Variants in ANAPC4 observed in about 807,000 individuals in gnomAD.
ANAPC4 encodes anaphase-promoting complex subunit 4.
A neutral mutation model predicts 119.8 loss-of-function variants in ANAPC4; 63 were observed. The observed-to-expected ratio is 0.53, with a 90% CI of 0.43 to 0.65. ANAPC4 has a LOEUF of 0.65. ANAPC4 is among the 30% of genes least tolerant of loss of function. The pLI, the probability that ANAPC4 is intolerant of heterozygous loss-of-function variation, is 0.00. For synonymous variants in ANAPC4, 283 were observed against 318.6 expected (o/e 0.89, Z 1.19); for missense variants, 716 against 945.1 (o/e 0.76, Z 3.18).
chr4:25,414,722 G>T, intron 25 of ANAPC4, 22 bp downstream of exon 25: 1 of 1,462,800 alleles, frequency 6.8e-7, no homozygotes, highest in South Asian at 1.4e-5. Flanking sequence ...TCTGAAGTTT[G>T]AATCAAAGAG....
intron 4 of ANAPC4, among the ~76,000 whole-genome samples, chr4:25,384,872 C>T (rs1413006181): frequency 1.3e-5 from 2 of 151,712 alleles, no homozygotes; most frequent in Admixed American, 6.6e-5. Context: ...TGTGTGTTAA[C>T]AGGCATGAAA....
In ANAPC4 at chr4:25,409,747, G is replaced by T. The variant is rs945614092; in HGVS notation, c.1481G>T (p.Gly494Val). 2.5e-6 allele frequency: 4 copies of T among 1,613,258 alleles called. No homozygotes were observed. Among genetic ancestry groups the T allele is most frequent in the Non-Finnish European group, 3.4e-6 (4 of 1,179,632 alleles). ...DDLVSPPNTE[G>V]NQWYDFLQNS... ...CTTGTGTCACCCCCTAACACAGAAG[G>T]AAACCAGTGGTATGACTTTCTTCAA... The change falls in exon 21 of 29, where the codon GGA (glycine) becomes GTA (valine). Residue 494 changes from glycine (G) to valine (V), a missense_variant. This residue lies in a region of ANAPC4 where 504 missense variants were observed against 615.8 expected (regional missense o/e 0.82). Coordinates refer to ENST00000315368, the MANE Select transcript of ANAPC4 (RefSeq NM_013367.3).
At chr4:25,390,852 TA>T in intron 8 of ANAPC4, 58 bp from the exon 9 acceptor site, 1 of 1,317,030 alleles carries the variant, frequency 7.6e-7, no homozygotes, top group Non-Finnish European at 1.1e-6. Flanking sequence ...TTCTGCATGA[TA>T]ATCAGCTTCA....
At chr4:25,413,873 C>A in intron 22 of ANAPC4, 131 bp downstream of exon 22, 1 of 706,514 alleles carries the variant, frequency 1.4e-6, no homozygotes, top group Non-Finnish European at 2.3e-6. Flanking sequence ...TTTTGATTAA[C>A]AAAAGTAACA....
intron 18 of ANAPC4, 71 bp from the exon 19 acceptor site, chr4:25,406,758 T>C (rs1723273730): frequency 8.7e-7 from 1 of 1,145,722 alleles, no homozygotes; most frequent in South Asian, 1.4e-5. Context: ...ACATTTATAA[T>C]TATGTACCAT....
At chr4:25,390,759 G>T in intron 8 of ANAPC4, 152 bp from the exon 9 acceptor site, 5 of 594,722 alleles carry the variant, frequency 8.4e-6, no homozygotes, top group African/African-American at 7.5e-5. Context: ...GTCCATGCAG[G>T]CAGACACCTA....
At chr4:25,410,348 T>C (rs1007473919) in intron 21 of ANAPC4, among the ~76,000 whole-genome samples, 44 of 152,246 alleles carry the variant, frequency 2.9e-4, no homozygotes, top group African/African-American at 1.0e-3. Flanking sequence ...AAAGCTCGTA[T>C]TTCTTTGATG....
At chr4:25,398,951 C>T (rs1171625990) in intron 16 of ANAPC4, among the ~76,000 whole-genome samples, 2 of 150,322 alleles carry the variant, frequency 1.3e-5, no homozygotes, top group Non-Finnish European at 3.0e-5. Flanking sequence ...AGAGTAAGAT[C>T]AAGAGTTTGG....
intron 19 of ANAPC4, 35 bp from the exon 20 acceptor site, chr4:25,407,162 G>T: frequency 6.5e-7 from 1 of 1,543,432 alleles, no homozygotes; most frequent in South Asian, 1.2e-5. Flanking sequence ...TTCGTGAGTT[G>T]ACTTAAGAAT....
At chr4:25,377,630 G>A in intron 2 of ANAPC4, 74 bp downstream of exon 2, 1 of 1,517,842 alleles carries the variant, frequency 6.6e-7, no homozygotes, top group Non-Finnish European at 8.8e-7. Context: ...GCCCGAGCCT[G>A]TTCATTCGGG....
intron 14 of ANAPC4, among the ~76,000 whole-genome samples, chr4:25,396,373 T>C (rs1722653238): frequency 6.6e-6 from 1 of 152,194 alleles, no homozygotes; most frequent in South Asian, 2.1e-4. Context: ...TGTGTAGTAG[T>C]TGGGTGAACA....
chr4:25,385,173 A>G (rs1262791255), intron 4 of ANAPC4, among the ~76,000 whole-genome samples: 1 of 152,230 alleles, frequency 6.6e-6, no homozygotes, highest in Non-Finnish European at 1.5e-5. Flanking sequence ...CCCTAAAAAG[A>G]GAATCAGCTT....
At chr4:25,413,255 G>C (rs971046868) in intron 21 of ANAPC4, 1 of 157,078 alleles carries the variant, frequency 6.4e-6, no homozygotes, top group Non-Finnish European at 1.4e-5. Flanking sequence ...CCAGTCTCTT[G>C]TTTTAGAGAC....
At chr4:25,393,982 C>T (rs1722499002) in intron 11 of ANAPC4, 91 bp downstream of exon 11, 2 of 1,037,246 alleles carry the variant, frequency 1.9e-6, no homozygotes, top group Non-Finnish European at 2.8e-6. Flanking sequence ...CAGTTTGATT[C>T]ATAAAAGGCT....
At chr4:25,399,288 G>A (rs57653207) in intron 16 of ANAPC4, among the ~76,000 whole-genome samples, 61,903 of 151,936 alleles carry the variant, frequency 0.41, 14,628 homozygotes, top group Non-Finnish European at 0.52. Context: ...CCCTTTAGCA[G>A]TTATCCCAAT....
At chr4:25,404,723 T>C (rs1723162932) in intron 17 of ANAPC4, among the ~76,000 whole-genome samples, 1 of 151,976 alleles carries the variant, frequency 6.6e-6, no homozygotes, top group South Asian at 2.1e-4. Context: ...TAATCCTGGC[T>C]CTGTCCCCAG....
chr4:25,407,154 C>A, intron 19 of ANAPC4, 43 bp from the exon 20 acceptor site: 1 of 1,505,560 alleles, frequency 6.6e-7, no homozygotes, highest in Non-Finnish European at 9.1e-7. Context: ...TATTTTTCTT[C>A]GTGAGTTGAC....
chr4:25,383,412 G>A lies in ANAPC4; in HGVS notation c.368+19G>A. The A allele has an allele frequency of 1.9e-6, 3 of 1,596,252 alleles. No homozygotes were observed. Among genetic ancestry groups the A allele is most frequent in the Non-Finnish European group, 2.6e-6 (3 of 1,173,752 alleles). On this transcript the variant is annotated intron_variant, in intron 4 of 28. Transcript: ENST00000315368. ...AAAGCAGGTAATTAGAAAAACTTATGTAGTCATAGGGTATTCATGAGATTT... is the reference window on the plus strand; with the variant it reads ...AAAGCAGGTAATTAGAAAAACTTATATAGTCATAGGGTATTCATGAGATTT...
At chr4:25,383,770 A>G (rs756955370) in intron 4 of ANAPC4, among the ~76,000 whole-genome samples, 2 of 152,270 alleles carry the variant, frequency 1.3e-5, no homozygotes, top group Non-Finnish European at 2.9e-5. Flanking sequence ...TAATTAAAAT[A>G]TACTTTATTG....
Sources: gnomAD v4.1 joint callset for allele counts (sites outside exome capture counted in the v4.1 genomes callset) on GRCh38, gnomAD v4.1.1 for gene constraint, gnomAD v4.1.1 regional missense constraint, MANE v1.5 for transcripts, NCBI Gene and HGNC (gene_info 2026-07-23, HGNC 2026-07-21) for gene names.